The following DACH1 variants were observed in gnomAD, a reference collection of about 807,000 sequenced individuals.
DACH1 encodes the protein dachshund family transcription factor 1, also known as dachshund homolog 1.
A neutral mutation model predicts 54.2 loss-of-function variants in DACH1; 12 were observed. The ratio of observed to expected loss-of-function variants is 0.22; its 90% CI spans 0.14 to 0.36. The LOEUF (loss-of-function observed/expected upper bound fraction) is 0.36, where lower values mean the gene tolerates loss of function less well. Among genes scored for constraint, DACH1 ranks in the 10% least tolerant of loss-of-function variants. The probability of loss-of-function intolerance (pLI) is 1.00; values close to 1 mark genes in which losing one functional copy is unlikely to be tolerated. For synonymous variants in DACH1, 386 were observed against 366.2 expected (o/e 1.05, Z -0.62); for missense variants, 805 against 929.8 (o/e 0.87, Z 1.75).
chr13:71,533,705 GTCTC>G (rs1477363196), intron 6 of DACH1, among the ~76,000 whole-genome samples: 1 of 151,166 alleles, frequency 6.6e-6, no homozygotes, highest in Non-Finnish European at 1.5e-5. Flanking sequence ...CTTTGTCTCT[GTCTC>G]TCTCTGTCTA....
chr13:71,693,552 T>C (rs1881646804), intron 1 of DACH1, among the ~76,000 whole-genome samples: 1 of 148,700 alleles, frequency 6.7e-6, no homozygotes, highest in East Asian at 2.0e-4. Context: ...TCTCCTGACC[T>C]GGTGATCCGC....
At chr13:71,846,966 T>G (rs1873319233) in intron 1 of DACH1, among the ~76,000 whole-genome samples, 1 of 152,166 alleles carries the variant, frequency 6.6e-6, no homozygotes, top group East Asian at 1.9e-4. Context: ...TTATTTTTGG[T>G]CTGACCACTC....
intron 2 of DACH1, among the ~76,000 whole-genome samples, chr13:71,642,253 T>A (rs1478513991): frequency 6.6e-6 from 1 of 152,198 alleles, no homozygotes; most frequent in Non-Finnish European, 1.5e-5. Context: ...TTAAATAATT[T>A]AAGCTAATTG....
At chr13:71,549,894 T>C (rs1296610913) in intron 6 of DACH1, among the ~76,000 whole-genome samples, 3 of 152,150 alleles carry the variant, frequency 2.0e-5, no homozygotes, top group African/African-American at 7.2e-5. Context: ...TCAAAATATT[T>C]ATTGAATGAA....
rs188616963 is a variant in DACH1 at position 71,553,646 on chromosome 13, T to C, written c.1570+3378A>G. Among the ~76,000 whole-genome samples the C allele has an allele frequency of 5.3e-3, 757 of 142,424 alleles. 6 individuals are homozygous for C. Among genetic ancestry groups the C allele is most frequent in the African/African-American group, 0.019 (697 of 36,376 alleles). The allele number at this position is 142,424 out of a possible 152,430, so 93.4% of individuals were successfully genotyped here. ...ATAACATTTGTTTTTGTATTTTATATATATAGTATATATATATATATATGC... is the reference window on the plus strand; with the variant it reads ...ATAACATTTGTTTTTGTATTTTATACATATAGTATATATATATATATATGC... On this transcript the variant is annotated intron_variant, in intron 6 of 10. Coordinates refer to ENST00000613252, the MANE Select transcript of DACH1 (RefSeq NM_080759.6).
At chr13:71,580,227 C>G (rs935443709) in intron 3 of DACH1, among the ~76,000 whole-genome samples, 4 of 152,176 alleles carry the variant, frequency 2.6e-5, no homozygotes, top group African/African-American at 9.7e-5. Flanking sequence ...TATAAAGTAT[C>G]TATGCTAATT....
At position 71,788,867 on chromosome 13, in the gene DACH1, A is replaced by T. The variant is rs116072762; in HGVS notation, c.848+77055T>A. ...AACCTCCATTCTGAAGCATTATTAC[A>T]ATTGATTCTAAATGTTTATATCTCA... On this transcript the variant is annotated intron_variant, in intron 1 of 10. Coordinates refer to ENST00000613252, the MANE Select transcript of DACH1 (RefSeq NM_080759.6). Among the ~76,000 whole-genome samples, 371 of 152,280 alleles carry T rather than the reference A, an allele frequency of 2.4e-3. 3 individuals carry two copies. Among genetic ancestry groups the T allele is most frequent in the African/African-American group, 8.7e-3 (360 of 41,576 alleles).
In DACH1 at chr13:71,864,175, G is replaced by A. The variant is rs927877469; in HGVS notation, c.848+1747C>T. ...TGTCCATACTTTTGAGCGCGCGCGC[G>A]CACATACACACACACACACACACAC... On this transcript the variant is annotated intron_variant, in intron 1 of 10. Coordinates refer to ENST00000613252, the MANE Select transcript of DACH1 (RefSeq NM_080759.6). Among the ~76,000 whole-genome samples, 894 of 96,922 alleles carry A rather than the reference G, an allele frequency of 9.2e-3. 14 individuals are homozygous for A. The highest frequency in any genetic ancestry group is 0.039 in the Admixed American group (343 of 8,684). The allele number at this position is 96,922 out of a possible 152,430, so 63.6% of individuals were successfully genotyped here.
intron 1 of DACH1, among the ~76,000 whole-genome samples, chr13:71,799,015 A>G (rs999664934): frequency 6.6e-6 from 1 of 152,108 alleles, no homozygotes; most frequent in Non-Finnish European, 1.5e-5. Flanking sequence ...CTTTAGTCCC[A>G]GAAGCATTCC....
intron 1 of DACH1, among the ~76,000 whole-genome samples, chr13:71,723,100 A>G (rs1328891035): frequency 1.3e-5 from 2 of 152,024 alleles, no homozygotes; most frequent in Non-Finnish European, 2.9e-5. Flanking sequence ...AATAAAATAA[A>G]ACCTATTAAA....
chr13:71,683,717 T>C (rs990233919), intron 1 of DACH1, among the ~76,000 whole-genome samples: 1 of 152,144 alleles, frequency 6.6e-6, no homozygotes, highest in Non-Finnish European at 1.5e-5. Context: ...GCTTTTTAAC[T>C]CTTGTTTAGT....
Position 71,684,465 on chromosome 13 carries a change from C to G in DACH1, c.849-2555G>C, listed in dbSNP as rs555986641. ...TAACAGTTTCCTGAGTGGCTCTGGT[C>G]TCCTATTACACTGTCTTTAAAGATG... On this transcript the variant is annotated intron_variant, in intron 1 of 10. Transcript: ENST00000613252. Among the ~76,000 whole-genome samples, 6 of 152,188 alleles carry G rather than the reference C, an allele frequency of 3.9e-5. No homozygotes were observed. The South Asian group carries it at 8.3e-4, about 21-fold the overall frequency.
intron 1 of DACH1, among the ~76,000 whole-genome samples, chr13:71,773,659 A>G (rs1055841849): frequency 6.6e-5 from 10 of 152,042 alleles, no homozygotes; most frequent in African/African-American, 2.4e-4. Flanking sequence ...TGTTTCGACA[A>G]TAAAATCCCT....
intron 1 of DACH1, among the ~76,000 whole-genome samples, chr13:71,817,299 G>T (rs1381211627): frequency 6.6e-6 from 1 of 152,298 alleles, no homozygotes; most frequent in East Asian, 1.9e-4. Context: ...CCATATGCCA[G>T]CTCCCAGGAC....
At chr13:71,496,533 T>C (rs1879459373) in intron 6 of DACH1, among the ~76,000 whole-genome samples, 1 of 151,662 alleles carries the variant, frequency 6.6e-6, no homozygotes, top group Non-Finnish European at 1.5e-5. Flanking sequence ...ACATAGAGTG[T>C]AGACTGATAG....
intron 1 of DACH1, among the ~76,000 whole-genome samples, chr13:71,816,492 A>T (rs1301533799): frequency 6.6e-6 from 1 of 151,452 alleles, no homozygotes; most frequent in Non-Finnish European, 1.5e-5. Flanking sequence ...TAGCAAATAC[A>T]TGGAATCAAC....
At chr13:71,749,825 A>T (rs1884842001) in intron 1 of DACH1, among the ~76,000 whole-genome samples, 1 of 152,148 alleles carries the variant, frequency 6.6e-6, no homozygotes, top group Admixed American at 6.5e-5. Flanking sequence ...TATAGGCATT[A>T]TTGTCTCCAT....
chr13:71,686,528 G>C (rs1271263727), intron 1 of DACH1, among the ~76,000 whole-genome samples: 13 of 152,122 alleles, frequency 8.5e-5, no homozygotes, highest in African/African-American at 3.1e-4. Flanking sequence ...TTAAGGTGAA[G>C]TCAAAATTGA....
chr13:71,570,005 G>A (rs1885103658), intron 4 of DACH1, among the ~76,000 whole-genome samples: 1 of 151,956 alleles, frequency 6.6e-6, no homozygotes, highest in Admixed American at 6.6e-5. Flanking sequence ...GTCCAATACT[G>A]TTAAAGGTGA....
Sources: allele counts gnomAD v4.1 joint callset (sites outside exome capture counted in the v4.1 genomes callset), GRCh38; gene constraint gnomAD v4.1.1; transcripts MANE v1.5; gene names NCBI Gene and HGNC (gene_info 2026-07-23, HGNC 2026-07-21).